SPRED2: variants seen among roughly 807,000 people sequenced by gnomAD.
The protein encoded by SPRED2 is sprouty-related, EVH1 domain-containing protein 2.
In SPRED2, 47 loss-of-function variants were observed where a neutral mutation model predicts 43.0. That is an observed-to-expected ratio of 1.09 (90% confidence interval 0.87 to 1.40). The LOEUF (loss-of-function observed/expected upper bound fraction) is 1.40, where lower values mean the gene tolerates loss of function less well. Ranked by LOEUF, SPRED2 falls within the 40% of genes most tolerant of loss-of-function variation. The pLI is 0.00. For synonymous variants in SPRED2, 225 were observed against 225.7 expected, an observed-to-expected ratio of 1.00 and a Z score of 0.03; for missense variants, 561 against 586.4, an observed-to-expected ratio of 0.96 and a Z score of 0.45.
chr2:65,390,643 C>T (rs1479027374), intron 1 of SPRED2, among the ~76,000 whole-genome samples: 1 of 152,168 alleles, frequency 6.6e-6, no homozygotes, highest in Non-Finnish European at 1.5e-5. Context: ...ACAACAGTAT[C>T]TAGTTCATAG....
At chr2:65,352,602 G>A (rs1674542344) in intron 1 of SPRED2, among the ~76,000 whole-genome samples, 1 of 152,172 alleles carries the variant, frequency 6.6e-6, no homozygotes, top group Non-Finnish European at 1.5e-5. Context: ...ACCCTTAGAG[G>A]ACTACAACAT....
chr2:65,422,527 A>T lies in SPRED2; in HGVS notation c.26+9435T>A, dbSNP rs56742724. 3.4e-3 allele frequency among the ~76,000 whole-genome samples: 525 copies of T among 152,330 alleles called. 7 individuals carry two copies. The highest frequency in any genetic ancestry group is 0.012 in the African/African-American group (495 of 41,572). ...AGTAAGTGAATGGCACATGGTAGGCATTCAATGGCTAGTGGCTCCCTCTCC... is the reference window on the plus strand; with the variant it reads ...AGTAAGTGAATGGCACATGGTAGGCTTTCAATGGCTAGTGGCTCCCTCTCC... On this transcript the variant is annotated intron_variant, in intron 1 of 5. Coordinates refer to ENST00000356388, the MANE Select transcript of SPRED2 (RefSeq NM_181784.3).
In SPRED2 at chr2:65,313,660, C is replaced by T. The variant is rs141482859; in HGVS notation, c.1098G>A (p.Ser366=). ...DPEGDYTDPC[S]CDTSDEKFCL... ...AAAACTTCTCGTCGCTAGTATCGCA[C>T]GAGCAAGGGTCTGTATAGTCTCCCT... The change falls in exon 6 of 6, where the codon TCG becomes TCA. Residue 366 remains serine (S), a synonymous_variant. Coordinates refer to ENST00000356388, the MANE Select transcript of SPRED2 (RefSeq NM_181784.3). The T allele has an allele frequency of 8.1e-6, 13 of 1,614,052 alleles. No homozygotes were observed. The African/African-American group carries it at 1.3e-4, about 17-fold the overall frequency.
chr2:65,311,075 G>A lies in SPRED2; in HGVS notation c.*2426C>T. On this transcript the variant is annotated 3_prime_UTR_variant, in exon 6 of 6. Transcript: ENST00000356388. ...AATTATGCTTCAGGCACTTTAATTT[G>A]TTAATGTGAGCAAATAGCTTGGGGG... 1.0e-6 allele frequency: 1 copy of A among 985,662 alleles called. No individual in the cohort carries two copies. The highest frequency in any genetic ancestry group is 1.2e-6 in the Non-Finnish European group (1 of 829,778). 61.1% of individuals were successfully genotyped at this position (985,662 alleles called of 1,614,324 possible).
intron 4 of SPRED2, among the ~76,000 whole-genome samples, chr2:65,317,177 T>C (rs944841642): frequency 6.6e-6 from 1 of 152,172 alleles, no homozygotes; most frequent in Admixed American, 6.6e-5. Flanking sequence ...AAAGGCTGGA[T>C]ATACCAGGCT....
chr2:65,426,103 A>G (rs946670451), intron 1 of SPRED2, among the ~76,000 whole-genome samples: 1 of 152,256 alleles, frequency 6.6e-6, no homozygotes, highest in Non-Finnish European at 1.5e-5. Context: ...AGATTCTCCT[A>G]CAGAGGCATA....
intron 1 of SPRED2, among the ~76,000 whole-genome samples, chr2:65,430,617 C>G (rs1418825743): frequency 1.3e-5 from 2 of 152,176 alleles, no homozygotes; most frequent in African/African-American, 2.4e-5. Context: ...CTGCGGGGGG[C>G]AAAAGACCTG....
chr2:65,369,037 C>A (rs987111703), intron 1 of SPRED2, among the ~76,000 whole-genome samples: 1 of 151,892 alleles, frequency 6.6e-6, no homozygotes, highest in South Asian at 2.1e-4. Context: ...TTTGCACCAC[C>A]GCACTCCAGC....
chr2:65,349,952 A>T (rs1674462941), intron 1 of SPRED2, among the ~76,000 whole-genome samples: 1 of 152,238 alleles, frequency 6.6e-6, no homozygotes, highest in African/African-American at 2.4e-5. Flanking sequence ...GCTATTTAAA[A>T]CAAGGCAGGG....
intron 1 of SPRED2, among the ~76,000 whole-genome samples, chr2:65,392,344 A>G (rs1675659598): frequency 6.6e-6 from 1 of 151,554 alleles, no homozygotes; most frequent in African/African-American, 2.4e-5. Flanking sequence ...ATGCCTGGCT[A>G]ATTTTAATTT....
At chr2:65,415,138 C>T (rs1676244629) in intron 1 of SPRED2, among the ~76,000 whole-genome samples, 1 of 152,176 alleles carries the variant, frequency 6.6e-6, no homozygotes, top group African/African-American at 2.4e-5. Context: ...AAACTTACCA[C>T]TTTAACCATT....
In SPRED2 at chr2:65,348,747, C is replaced by T. The variant is rs1280363174; in HGVS notation, c.27-3851G>A. Among the ~76,000 whole-genome samples the T allele has an allele frequency of 2.7e-5, 4 of 150,262 alleles. No homozygotes were observed. In the East Asian group the frequency reaches 5.9e-4, roughly 22 times the overall value. Reference sequence around the variant, plus strand: ...TGAACCCCAGAGGCAGAGCTGAGATCGCGCCACTGCACTCCACCCTGGGCA... The same window carrying T: ...TGAACCCCAGAGGCAGAGCTGAGATTGCGCCACTGCACTCCACCCTGGGCA... On this transcript the variant is annotated intron_variant, in intron 1 of 5. Coordinates refer to ENST00000356388, the MANE Select transcript of SPRED2 (RefSeq NM_181784.3).
At chr2:65,394,226 C>T (rs772389881) in intron 1 of SPRED2, among the ~76,000 whole-genome samples, 1 of 152,234 alleles carries the variant, frequency 6.6e-6, no homozygotes, top group Non-Finnish European at 1.5e-5. Flanking sequence ...ACCAACCACA[C>T]AGTTCAACAA....
At chr2:65,402,289 A>C (rs1675922284) in intron 1 of SPRED2, among the ~76,000 whole-genome samples, 1 of 150,894 alleles carries the variant, frequency 6.6e-6, no homozygotes, top group African/African-American at 2.4e-5. Context: ...AAAAAAAAAA[A>C]AAAAAAAAAA....
chr2:65,353,691 T>C (rs1251756165), intron 1 of SPRED2, among the ~76,000 whole-genome samples: 1 of 152,226 alleles, frequency 6.6e-6, no homozygotes, highest in Non-Finnish European at 1.5e-5. Flanking sequence ...TATGTGCCTC[T>C]ATACTTTCCT....
intron 1 of SPRED2, among the ~76,000 whole-genome samples, chr2:65,402,278 C>CAAAAA (rs58209803): frequency 3.1e-5 from 2 of 64,404 alleles, no homozygotes; most frequent in African/African-American, 7.1e-5. Flanking sequence ...GACTCTGTCT[C>CAAAAA]AAAAAAAAAA....
intron 1 of SPRED2, among the ~76,000 whole-genome samples, chr2:65,417,031 A>G (rs1470912577): frequency 6.6e-6 from 1 of 152,138 alleles, no homozygotes; most frequent in Non-Finnish European, 1.5e-5. Flanking sequence ...CTATAACAGC[A>G]CCTGTTGGCT....
At chr2:65,362,617 G>A (rs888634712) in intron 1 of SPRED2, among the ~76,000 whole-genome samples, 4 of 152,104 alleles carry the variant, frequency 2.6e-5, no homozygotes, top group African/African-American at 9.6e-5. Flanking sequence ...CAACTGGGTT[G>A]GGAGGCCAAG....
At chr2:65,352,429 G>A (rs1002912780) in intron 1 of SPRED2, among the ~76,000 whole-genome samples, 2 of 152,196 alleles carry the variant, frequency 1.3e-5, no homozygotes, top group African/African-American at 2.4e-5. Context: ...AAAAGAACCC[G>A]TGTACTTAAA....
Sources: allele counts gnomAD v4.1 joint callset (sites outside exome capture counted in the v4.1 genomes callset), GRCh38; gene constraint gnomAD v4.1.1; transcripts MANE v1.5; gene names NCBI Gene and HGNC (gene_info 2026-07-23, HGNC 2026-07-21).